LONRF2: variants seen among roughly 807,000 people sequenced by gnomAD.
LONRF2 encodes the protein LON peptidase N-terminal domain and ring finger 2, also known as LON peptidase N-terminal domain and RING finger protein 2.
LONRF2 carries 35 observed loss-of-function variants against 66.6 expected under a neutral mutation model. The ratio of observed to expected loss-of-function variants is 0.53; its 90% CI spans 0.40 to 0.70. LONRF2 has a LOEUF of 0.70. Ranked by LOEUF, LONRF2 falls within the 30% of genes least tolerant of loss-of-function variation. LONRF2 has a pLI of 0.00. For missense variants in LONRF2, 902 were observed against 1,002.1 expected (o/e 0.90, Z 1.35); for synonymous variants, 417 against 418.1 (o/e 1.00, Z 0.03).
At chr2:100,294,208 C>G (rs1399783685) in intron 9 of LONRF2, 21 bp downstream of exon 9, 5 of 1,604,164 alleles carry the variant, frequency 3.1e-6, no homozygotes, top group Non-Finnish European at 3.4e-6. Context: ...ACCCTTTGAA[C>G]CAAATGCTAA....
chr2:100,320,536 AC>A (rs1375200357), intron 1 of LONRF2, among the ~76,000 whole-genome samples: 1 of 152,236 alleles, frequency 6.6e-6, no homozygotes, highest in Non-Finnish European at 1.5e-5. Context: ...TAAAATGTGC[AC>A]TGACTACAGC....
Position 100,321,536 on chromosome 2 carries a change from C to T in LONRF2, c.558G>A (p.Leu186=). 6.4e-7 allele frequency: 1 copy of T among 1,552,394 alleles called. No homozygotes were observed. Among genetic ancestry groups the T allele is most frequent in the South Asian group, 1.2e-5 (1 of 86,242 alleles). ...ACTCGGCCGGGAAGCACTTCTCCAGCAGGCCGCTCAGCACCACGTTCACGC... is the reference window on the plus strand; with the variant it reads ...ACTCGGCCGGGAAGCACTTCTCCAGTAGGCCGCTCAGCACCACGTTCACGC... ...VRRVNVVLSG[L]LEKCFPAECR... Residue 186 remains leucine, a synonymous_variant, in exon 1 of 12, where the codon CTG becomes CTA. Transcript: ENST00000393437.
chr2:100,298,026 GT>G (rs1288823703), intron 7 of LONRF2, among the ~76,000 whole-genome samples: 2 of 152,104 alleles, frequency 1.3e-5, no homozygotes, highest in Non-Finnish European at 2.9e-5. Context: ...CATTCAATAA[GT>G]TTAATCTCTG....
chr2:100,294,444 G>C (rs1675024169), intron 8 of LONRF2, 57 bp from the exon 9 acceptor site: 1 of 1,459,688 alleles, frequency 6.9e-7, no homozygotes, highest in East Asian at 2.6e-5. Context: ...TCAGAGGGTG[G>C]TACTGGCCAC....
At chr2:100,294,544 C>T (rs191884134) in intron 8 of LONRF2, among the ~76,000 whole-genome samples, 157 bp from the exon 9 acceptor site, 5 of 152,316 alleles carry the variant, frequency 3.3e-5, no homozygotes, top group Admixed American at 3.3e-4. Context: ...AGGACCATAG[C>T]ATGTGAAAAT....
chr2:100,286,769 CT>C, intron 11 of LONRF2, 144 bp downstream of exon 11: 1 of 825,142 alleles, frequency 1.2e-6, no homozygotes, highest in Non-Finnish European at 1.8e-6. Context: ...GTAGGTGCTC[CT>C]TTGGGCTGTT....
At chr2:100,303,568 G>A (rs1180364447) in intron 2 of LONRF2, among the ~76,000 whole-genome samples, 2 of 152,012 alleles carry the variant, frequency 1.3e-5, no homozygotes. Flanking sequence ...CACTATTTTT[G>A]TTTCTTTTTT....
At position 100,283,005 on chromosome 2, in the gene LONRF2, C is replaced by G. The variant is rs1263597308; in HGVS notation, c.*1293G>C. On this transcript the variant is annotated 3_prime_UTR_variant, in exon 12 of 12. Coordinates refer to ENST00000393437, the MANE Select transcript of LONRF2 (RefSeq NM_198461.4). ...TCAATGAACAAAGCAAAACTTGCAG[C>G]TGTGATGTGGTCGTGACCCTCTGGT... 1.3e-5 allele frequency: 2 copies of G among 152,138 alleles called. No homozygotes were observed. The highest frequency in any genetic ancestry group is 4.8e-5 in the African/African-American group (2 of 41,420). The allele number at this position is 152,138 out of a possible 1,614,324, so 9.4% of individuals were successfully genotyped here.
At chr2:100,308,258 T>A (rs1675336983) in intron 2 of LONRF2, among the ~76,000 whole-genome samples, 1 of 151,964 alleles carries the variant, frequency 6.6e-6, no homozygotes, top group Non-Finnish European at 1.5e-5. Context: ...TAGTCCCAGC[T>A]ATGCGGGAGG....
In LONRF2 at chr2:100,297,318, T is replaced by A. The variant is rs920231193; in HGVS notation, c.1476+1518A>T. On this transcript the variant is annotated intron_variant, in intron 7 of 11. Coordinates refer to ENST00000393437, the MANE Select transcript of LONRF2 (RefSeq NM_198461.4). ...TAATTTTGTTTTTGTATTTTTTTTT[T>A]AGTAGAGACGGGGTTTCACCGTGTT... Among the ~76,000 whole-genome samples, 7 of 143,408 alleles carry A rather than the reference T, an allele frequency of 4.9e-5. No individual in the cohort carries two copies. The East Asian group carries it at 1.1e-3, about 22-fold the overall frequency. 94.1% of individuals were successfully genotyped at this position (143,408 alleles called of 152,430 possible).
chr2:100,290,825 C>T (rs1674944774), intron 9 of LONRF2, among the ~76,000 whole-genome samples: 1 of 152,206 alleles, frequency 6.6e-6, no homozygotes, highest in Admixed American at 6.5e-5. Context: ...CTCTTACCCA[C>T]ACTCCGATTG....
At chr2:100,313,032 CTT>C (rs1182562944) in intron 1 of LONRF2, among the ~76,000 whole-genome samples, 1 of 152,182 alleles carries the variant, frequency 6.6e-6, no homozygotes, top group Non-Finnish European at 1.5e-5. Flanking sequence ...AAGACCCAGG[CTT>C]TGAGAGGAAA....
intron 11 of LONRF2, among the ~76,000 whole-genome samples, chr2:100,285,540 G>A (rs1573108592): frequency 1.3e-5 from 2 of 152,182 alleles, no homozygotes; most frequent in African/African-American, 4.8e-5. Context: ...ATATGGCAGA[G>A]GGAATTGGAG....
intron 9 of LONRF2, among the ~76,000 whole-genome samples, chr2:100,291,347 C>T (rs1290807558): frequency 2.6e-5 from 4 of 152,094 alleles, no homozygotes; most frequent in African/African-American, 9.7e-5. Flanking sequence ...GAGGAGCTGA[C>T]GTTTATCTGG....
At position 100,299,838 on chromosome 2, in the gene LONRF2, C is replaced by T. The variant is rs758084499; in HGVS notation, c.1146G>A (p.Glu382=). The change falls in exon 5 of 12, where the codon GAG becomes GAA. Residue 382 remains glutamate (E), a synonymous_variant. Transcript: ENST00000393437. ...LYFILGLHFE[E]DKKALESILP... ...GGATGCTTTCTAACGCCTTTTTATC[C>T]TCTTCAAAGTGTAGACCCAGTATAA... 18 of 1,612,982 alleles carry T rather than the reference C, an allele frequency of 1.1e-5. No individual in the cohort carries two copies. The highest frequency in any genetic ancestry group is 1.6e-4 in the Middle Eastern group (1 of 6,076).
At chr2:100,308,349 A>AG (rs1367064801) in intron 2 of LONRF2, among the ~76,000 whole-genome samples, 2 of 152,254 alleles carry the variant, frequency 1.3e-5, no homozygotes, top group Non-Finnish European at 1.5e-5. Flanking sequence ...AAAAGATGGG[A>AG]GGGAAAAAGG....
rs149460142 is a variant in LONRF2 at position 100,287,048 on chromosome 2, A to G, written c.1936T>C (p.Tyr646His). The stretch of plus-strand genomic sequence containing the variant: ...TCGTGGAGAGCGGCAAGTTCTTCAT[A>G]CTCTGGACCCTCCACCTGATCAGGG... ...LEDEKVEGPE[Y>H]EELAALHDSV... Residue 646 changes from tyrosine to histidine, a missense_variant, in exon 11 of 12, where the codon TAT becomes CAT. By Grantham distance (83) the Tyr-to-His change is moderately conservative (BLOSUM62 2). Transcript: ENST00000393437. 1.3e-5 allele frequency: 21 copies of G among 1,613,612 alleles called. No individual in the cohort carries two copies. In the African/African-American group the frequency reaches 2.7e-4, roughly 21 times the overall value.
At chr2:100,292,575 G>A (rs1454345394) in intron 9 of LONRF2, among the ~76,000 whole-genome samples, 1 of 151,962 alleles carries the variant, frequency 6.6e-6, no homozygotes, top group African/African-American at 2.4e-5. Flanking sequence ...TTTTCTTGTT[G>A]TTTGGATGGG....
Position 100,284,450 on chromosome 2 carries a change from C to G in LONRF2, c.2113G>C (p.Val705Leu), listed in dbSNP as rs775457517. Residue 705 changes from valine (V) to leucine (L), a missense_variant, in exon 12 of 12, where the codon GTG becomes CTG. By Grantham distance (32) the Val-to-Leu change is conservative. Coordinates refer to ENST00000393437, the MANE Select transcript of LONRF2 (RefSeq NM_198461.4). ...GPAWSWWILA[V>L]LPLERKAQLA... ...TGAGCCTTGCGCTCCAGGGGCAGCA[C>G]GGCCAGGATCCACCAGGACCAGGCA... 6.2e-7 allele frequency: 1 copy of G among 1,608,016 alleles called. No individual in the cohort carries two copies. Among genetic ancestry groups the G allele is most frequent in the Admixed American group, 1.7e-5 (1 of 59,288 alleles).
Sources: gnomAD v4.1 joint callset for allele counts (sites outside exome capture counted in the v4.1 genomes callset) on GRCh38, gnomAD v4.1.1 for gene constraint, MANE v1.5 for transcripts, NCBI Gene and HGNC (gene_info 2026-07-23, HGNC 2026-07-21) for gene names.